STX8: variants seen among roughly 807,000 people sequenced by gnomAD.
STX8 encodes the protein syntaxin-8.
In STX8, 23 loss-of-function variants were observed where a neutral mutation model predicts 37.5. The observed-to-expected ratio is 0.61, with a 90% CI of 0.44 to 0.87. STX8 has a LOEUF of 0.87. Ranked by LOEUF, STX8 falls within the 40% of genes least tolerant of loss-of-function variation. The pLI, the probability that STX8 is intolerant of heterozygous loss-of-function variation, is 0.00. For synonymous variants in STX8, 115 were observed against 99.1 expected (o/e 1.16, Z -0.95); for missense variants, 313 against 284.7 (o/e 1.10, Z -0.71).
At chr17:9,514,680 G>A (rs935671475) in intron 4 of STX8, among the ~76,000 whole-genome samples, 1 of 152,172 alleles carries the variant, frequency 6.6e-6, no homozygotes, top group African/African-American at 2.4e-5. Context: ...CAGTTAACAT[G>A]CAGTAAGCAT....
intron 7 of STX8, among the ~76,000 whole-genome samples, chr17:9,305,860 G>A (rs1054748551): frequency 2.1e-5 from 3 of 146,212 alleles, no homozygotes; most frequent in African/African-American, 7.7e-5. Context: ...TTCTCCTGCC[G>A]CAGCCTCCTG....
At chr17:9,297,211 TAC>T (rs934522465) in intron 7 of STX8, among the ~76,000 whole-genome samples, 1 of 131,522 alleles carries the variant, frequency 7.6e-6, no homozygotes, top group Non-Finnish European at 1.6e-5. Context: ...TCATTTTGCA[TAC>T]AGTCTGATAG....
chr17:9,338,025 G>C (rs1303897039), intron 7 of STX8, among the ~76,000 whole-genome samples: 4 of 151,530 alleles, frequency 2.6e-5, no homozygotes, highest in Non-Finnish European at 5.9e-5. Context: ...TTTATTCTGA[G>C]GGCTTTGGGG....
chr17:9,408,910 G>T (rs1172570910), intron 6 of STX8, among the ~76,000 whole-genome samples: 1 of 152,116 alleles, frequency 6.6e-6, no homozygotes, highest in Non-Finnish European at 1.5e-5. Flanking sequence ...GAGAAATTAG[G>T]ACAGACGTGC....
In STX8 at chr17:9,297,258, GA is replaced by G. The variant is rs1222844411; in HGVS notation, c.644-46614del. Among the ~76,000 whole-genome samples the G allele has an allele frequency of 6.7e-5, 9 of 134,930 alleles. No homozygotes were observed. The East Asian group carries it at 1.1e-3, about 16-fold the overall frequency. 88.5% of individuals were successfully genotyped at this position (134,930 alleles called of 152,430 possible). ...AGAGTTTGCAAAAAAAAAAAAAAAA[GA>G]AAAAAAAAGAAAAAGTGAATCCTGC... On this transcript the variant is annotated intron_variant, in intron 7 of 7. Coordinates refer to ENST00000306357, the MANE Select transcript of STX8 (RefSeq NM_004853.3).
At chr17:9,321,792 A>G (rs1909586756) in intron 7 of STX8, among the ~76,000 whole-genome samples, 1 of 152,176 alleles carries the variant, frequency 6.6e-6, no homozygotes, top group Non-Finnish European at 1.5e-5. Flanking sequence ...TGCTGGGACT[A>G]CAGGCATGAG....
intron 6 of STX8, among the ~76,000 whole-genome samples, chr17:9,392,013 T>A (rs544528781): frequency 1.3e-5 from 2 of 152,328 alleles, no homozygotes; most frequent in African/African-American, 4.8e-5. Flanking sequence ...GTCTGGTCAC[T>A]GGCTACTGCA....
chr17:9,491,459 C>G (rs1040349105), intron 6 of STX8, among the ~76,000 whole-genome samples: 1 of 152,102 alleles, frequency 6.6e-6, no homozygotes, highest in Non-Finnish European at 1.5e-5. Flanking sequence ...TACATAGGAT[C>G]GAAGAAGAGC....
At chr17:9,398,682 C>T (rs1364869879) in intron 6 of STX8, among the ~76,000 whole-genome samples, 1 of 152,152 alleles carries the variant, frequency 6.6e-6, no homozygotes, top group Admixed American at 6.5e-5. Context: ...ACTATCTATT[C>T]AATTTCTCTG....
Position 9,457,045 on chromosome 17 carries a change from A to G in STX8, c.541+34784T>C, listed in dbSNP as rs80044786. Among the ~76,000 whole-genome samples, 1,512 of 152,298 alleles carry G rather than the reference A, an allele frequency of 9.9e-3. 25 individuals carry two copies. Among genetic ancestry groups the G allele is most frequent in the South Asian group, 0.048 (230 of 4,822 alleles). ...TCGAACTGGATTAAACATCACAGAA[A>G]TGTGTCTCTCATGGTAAGAAATGCA... On this transcript the variant is annotated intron_variant, in intron 6 of 7. Coordinates refer to ENST00000306357, the MANE Select transcript of STX8 (RefSeq NM_004853.3).
intron 6 of STX8, among the ~76,000 whole-genome samples, chr17:9,409,671 T>A (rs926406423): frequency 2.6e-5 from 4 of 152,158 alleles, no homozygotes; most frequent in Admixed American, 2.6e-4. Context: ...GCTCCAGATG[T>A]GTTCAGAACT....
At chr17:9,273,851 A>G (rs1174851433) in intron 7 of STX8, among the ~76,000 whole-genome samples, 1 of 152,098 alleles carries the variant, frequency 6.6e-6, no homozygotes, top group African/African-American at 2.4e-5. Context: ...GCAGGCCTCA[A>G]TGCAGCGGCT....
rs10694244 is a variant in STX8, at chr17:9,547,642, A to AAAAAAAAAAAAAAAAG, written c.213-2361_213-2360insCTTTTTTTTTTTTTTT. Among the ~76,000 whole-genome samples, 57 of 115,856 alleles carry AAAAAAAAAAAAAAAAG rather than the reference A, an allele frequency of 4.9e-4. 1 individual carries two copies. Among genetic ancestry groups the AAAAAAAAAAAAAAAAG allele is most frequent in the East Asian group, 7.8e-4 (3 of 3,856 alleles). 76.0% of individuals were successfully genotyped at this position (115,856 alleles called of 152,430 possible). Reference sequence around the variant, plus strand: ...GACTCCGTCTCAAAAAAAAAAAAGAAAAAAGAAAAGAAAAGAAAAGAAATA... The same window carrying AAAAAAAAAAAAAAAAG: ...GACTCCGTCTCAAAAAAAAAAAAGAAAAAAAAAAAAAAAAAGAAAAGAAAAGAAAAGAAAAGAAATA... On this transcript the variant is annotated intron_variant, in intron 3 of 7. Transcript: ENST00000306357.
intron 4 of STX8, 57 bp from the exon 5 acceptor site, chr17:9,505,219 T>G (rs1162957286): frequency 6.4e-7 from 1 of 1,562,962 alleles, no homozygotes; most frequent in African/African-American, 1.4e-5. Flanking sequence ...CAAATGCAAA[T>G]TACTCCCACA....
chr17:9,378,488 A>T (rs1911677090), intron 7 of STX8, 64 bp downstream of exon 7: 3 of 1,429,458 alleles, frequency 2.1e-6, no homozygotes, highest in South Asian at 1.2e-5. Flanking sequence ...CAAACAGGAA[A>T]CTCAGAGCAG....
intron 7 of STX8, among the ~76,000 whole-genome samples, chr17:9,277,816 A>G (rs1378019823): frequency 6.6e-6 from 1 of 152,102 alleles, no homozygotes. Flanking sequence ...CATGGAATGG[A>G]AAGAAACCCA....
At chr17:9,479,204 G>A (rs1906215086) in intron 6 of STX8, among the ~76,000 whole-genome samples, 1 of 152,024 alleles carries the variant, frequency 6.6e-6, no homozygotes, top group Non-Finnish European at 1.5e-5. Flanking sequence ...TATTGGCTGT[G>A]GGACAATGAA....
intron 4 of STX8, among the ~76,000 whole-genome samples, chr17:9,535,593 T>C (rs1003415704): frequency 3.3e-5 from 5 of 151,620 alleles, no homozygotes; most frequent in South Asian, 2.1e-4. Flanking sequence ...CCACCACGCC[T>C]GGCTAATTTT....
intron 5 of STX8, among the ~76,000 whole-genome samples, chr17:9,500,120 T>C (rs1021019103): frequency 1.3e-5 from 2 of 152,156 alleles, no homozygotes; most frequent in Non-Finnish European, 2.9e-5. Context: ...GGGTGAAGTA[T>C]GTAAAACTGA....
Sources: allele counts gnomAD v4.1 joint callset (sites outside exome capture counted in the v4.1 genomes callset), GRCh38; gene constraint gnomAD v4.1.1; transcripts MANE v1.5; gene names NCBI Gene and HGNC (gene_info 2026-07-23, HGNC 2026-07-21).